CYREN: variants seen among roughly 807,000 people sequenced by gnomAD.
CYREN encodes the protein cell cycle regulator of NHEJ, also known as cell cycle regulator of non-homologous end joining.
Under a neutral mutation model 9.7 loss-of-function variants are expected in CYREN, and 7 were observed. That is an observed-to-expected ratio of 0.72 (90% CI 0.41 to 1.36). The LOEUF (loss-of-function observed/expected upper bound fraction) is 1.36, where lower values mean the gene tolerates loss of function less well. CYREN is among the 40% of genes most tolerant of loss of function. The pLI is 0.01. For synonymous variants in CYREN, 76 were observed against 77.9 expected, an observed-to-expected ratio of 0.98 and a Z score of 0.13; for missense variants, 215 against 198.1, an observed-to-expected ratio of 1.09 and a Z score of -0.51.
At chr7:135,137,414 G>A (rs1053325952) in intron 2 of CYREN, among the ~76,000 whole-genome samples, 1 of 151,810 alleles carries the variant, frequency 6.6e-6, no homozygotes, top group African/African-American at 2.4e-5. Context: ...ATTTTAAAAG[G>A]TATGTAACGT....
intron 2 of CYREN, among the ~76,000 whole-genome samples, chr7:135,104,150 A>G: frequency 6.6e-6 from 1 of 152,058 alleles, no homozygotes; most frequent in East Asian, 1.9e-4. Flanking sequence ...TCCCACTTAT[A>G]AGTGACAACA....
chr7:135,167,045 AC>A (rs1562930888), intron 3 of CYREN, 174 bp from the exon 4 acceptor site: 1 of 984,734 alleles, frequency 1.0e-6, no homozygotes, highest in Non-Finnish European at 1.2e-6. Context: ...CCTTCCCCTG[AC>A]CCCCTCTTCA....
intron 2 of CYREN, chr7:135,135,172 G>A: frequency 1.3e-6 from 2 of 1,550,172 alleles, no homozygotes; most frequent in Non-Finnish European, 8.7e-7. Flanking sequence ...TAAGCATACA[G>A]CCCTCCATCT....
chr7:135,125,960 C>T (rs752750566), intron 2 of CYREN, among the ~76,000 whole-genome samples: 6 of 152,106 alleles, frequency 3.9e-5, no homozygotes, highest in Non-Finnish European at 8.8e-5. Context: ...AAAAGCTGGA[C>T]ACATTCCCTT....
In CYREN at chr7:135,113,133, A is replaced by G. The variant is rs1825873020; in HGVS notation, n.357-18551T>C. ...AGAATGGCTTATCAAGAAACTGTAA[A>G]TAAGTTCATTTCATTTGCCAATATT... is the stretch of plus-strand genomic sequence containing the variant. On this transcript the variant is annotated intron_variant and non_coding_transcript_variant, in intron 2 of 2. Transcript: ENST00000459937. Among the ~76,000 whole-genome samples the G allele has an allele frequency of 1.3e-5, 2 of 152,234 alleles. 1 individual carries two copies. Among genetic ancestry groups the G allele is most frequent in the South Asian group, 4.1e-4 (2 of 4,832 alleles).
Position 135,166,717 on chromosome 7 carries a change from C to T in CYREN, c.368G>A (p.Ser123Asn). The T allele has an allele frequency of 6.2e-7, 1 of 1,613,780 alleles. No homozygotes were observed. The highest frequency in any genetic ancestry group is 8.5e-7 in the Non-Finnish European group (1 of 1,180,040). ...SGKQALAPGL[S>N]PSQRPGGSSS... ...GGAACCCCCCGGCCTCTGGGAAGGG[C>T]TGAGGCCTGGAGCCAGTGCCTGTTT... The change falls in exon 4 of 4, where the codon AGC (serine) becomes AAC (asparagine). Residue 123 changes from serine to asparagine, a missense_variant. Transcript: ENST00000393114.
At chr7:135,112,629 A>G (rs1385878467) in intron 2 of CYREN, among the ~76,000 whole-genome samples, 2 of 152,192 alleles carry the variant, frequency 1.3e-5, no homozygotes, top group African/African-American at 4.8e-5. Flanking sequence ...GCCCTGGTTT[A>G]TCTCTATAGG....
chr7:135,154,766 T>C (rs1033053190), intron 2 of CYREN, among the ~76,000 whole-genome samples: 6 of 152,216 alleles, frequency 3.9e-5, no homozygotes, highest in African/African-American at 1.4e-4. Context: ...TTTGTGGCCT[T>C]ACATGTGATC....
At chr7:135,098,346 C>T (rs957134259) in intron 2 of CYREN, among the ~76,000 whole-genome samples, 4 of 152,122 alleles carry the variant, frequency 2.6e-5, no homozygotes, top group Admixed American at 6.6e-5. Flanking sequence ...TGCTTTAAGT[C>T]ATCTCTAGAT....
chr7:135,168,634 C>T (rs1039513748), intron 2 of CYREN, 152 bp downstream of exon 2: 19 of 1,242,052 alleles, frequency 1.5e-5, no homozygotes, highest in Non-Finnish European at 2.1e-5. Context: ...CCGCCCACAG[C>T]CCCTCCACCT....
At chr7:135,100,155 G>C (rs1391868504) in intron 2 of CYREN, 1 of 150,938 alleles carries the variant, frequency 6.6e-6, no homozygotes, top group African/African-American at 2.4e-5. Context: ...CAAAATGCTG[G>C]GATTACAGGC....
At chr7:135,133,067 G>GCACACACACACA (rs55861736) in intron 2 of CYREN, among the ~76,000 whole-genome samples, 5 of 150,320 alleles carry the variant, frequency 3.3e-5, no homozygotes, top group African/African-American at 1.2e-4. Flanking sequence ...ACGCATGCGT[G>GCACACACACACA]CACACACACA....
At chr7:135,156,523 C>T (rs1829798007) in intron 2 of CYREN, among the ~76,000 whole-genome samples, 1 of 151,834 alleles carries the variant, frequency 6.6e-6, no homozygotes, top group Non-Finnish European at 1.5e-5. Context: ...TGGTGTATTT[C>T]CTTCAATGAA....
At chr7:135,141,712 G>A (rs906166995) in intron 2 of CYREN, among the ~76,000 whole-genome samples, 1 of 151,956 alleles carries the variant, frequency 6.6e-6, no homozygotes, top group African/African-American at 2.4e-5. Context: ...CCTCAATCCT[G>A]CTTTAGCTGT....
At chr7:135,094,129 T>TA (rs1398625187) in exon 3 of CYREN, 1 of 299,624 alleles carries the variant, frequency 3.3e-6, no homozygotes, top group African/African-American at 2.2e-5. Context: ...ATGTAGGAGT[T>TA]AAAACTACTC....
chr7:135,107,650 T>C (rs1824947411), intron 2 of CYREN, among the ~76,000 whole-genome samples: 1 of 152,226 alleles, frequency 6.6e-6, no homozygotes, highest in Non-Finnish European at 1.5e-5. Context: ...TAGTCAATTT[T>C]AGAGTATGTA....
chr7:135,110,698 A>G (rs1169128881), intron 2 of CYREN, among the ~76,000 whole-genome samples: 1 of 152,140 alleles, frequency 6.6e-6, no homozygotes, highest in African/African-American at 2.4e-5. Flanking sequence ...GTGTACCTGG[A>G]TATTTCAGTT....
At chr7:135,095,918 G>A (rs532330904) in intron 2 of CYREN, among the ~76,000 whole-genome samples, 1 of 152,256 alleles carries the variant, frequency 6.6e-6, no homozygotes, top group East Asian at 1.9e-4. Flanking sequence ...TTGGGAGGCT[G>A]AGGCAGGCAG....
At chr7:135,098,994 C>T (rs1823350787) in intron 2 of CYREN, among the ~76,000 whole-genome samples, 1 of 152,130 alleles carries the variant, frequency 6.6e-6, no homozygotes, top group Admixed American at 6.5e-5. Context: ...ATCTGTTCTA[C>T]TATTACTACT....
Sources: allele counts gnomAD v4.1 joint callset (sites outside exome capture counted in the v4.1 genomes callset), GRCh38; gene constraint gnomAD v4.1.1; transcripts MANE v1.5; gene names NCBI Gene and HGNC (gene_info 2026-07-23, HGNC 2026-07-21).